TNNT1: variants seen among roughly 807,000 people sequenced by gnomAD.
The protein encoded by TNNT1 is troponin T1, slow skeletal type, also known as troponin T, slow skeletal muscle.
A neutral mutation model predicts 50.6 loss-of-function variants in TNNT1; 53 were observed. The observed-to-expected ratio is 1.05, with a 90% CI of 0.84 to 1.32. The LOEUF is 1.32. Ranked by LOEUF, TNNT1 falls within the 40% of genes most tolerant of loss-of-function variation. The pLI is 0.00. For missense variants in TNNT1, 348 were observed against 381.7 expected (o/e 0.91, Z 0.74); for synonymous variants, 142 against 138.0 (o/e 1.03, Z -0.20).
At chr19:55,135,226 T>C (rs2085326574) in intron 11 of TNNT1, among the ~76,000 whole-genome samples, 2 of 152,140 alleles carry the variant, frequency 1.3e-5, no homozygotes, top group Admixed American at 1.3e-4. Flanking sequence ...GCTTGGATCA[T>C]CCATGTGAGG....
chr19:55,132,960 G>T lies in TNNT1; in HGVS notation c.792C>A (p.Phe264Leu), dbSNP rs2147233241. The change falls in exon 14 of 14, where the codon TTC becomes TTA. Residue 264 changes from phenylalanine to leucine, a missense_variant and splice_region_variant. By Grantham distance (22) the Phe-to-Leu change is conservative. This residue lies in a region of TNNT1 where 253 missense variants were observed against 291.8 expected (regional missense o/e 0.87). Coordinates refer to ENST00000588981, the MANE Select transcript of TNNT1 (RefSeq NM_003283.6). ...LYNRISHAQK[F>L]RKGAGKGRVG... ...CGCGGCCCTTCCCTGCCCCCTTCCGGCTGTAGAAGAATGAGGTGGTATCAG... is the reference window on the plus strand; with the variant it reads ...CGCGGCCCTTCCCTGCCCCCTTCCGTCTGTAGAAGAATGAGGTGGTATCAG... The T allele has an allele frequency of 6.2e-7, 1 of 1,600,880 alleles. No homozygotes were observed. The highest frequency in any genetic ancestry group is 8.5e-7 in the Non-Finnish European group (1 of 1,175,012).
chr19:55,143,706 G>A (rs140839586), intron 6 of TNNT1, among the ~76,000 whole-genome samples: 2 of 151,860 alleles, frequency 1.3e-5, no homozygotes, highest in Non-Finnish European at 2.9e-5. Context: ...CGACAGCCCC[G>A]TGAGCTGCCA....
Position 55,146,456 on chromosome 19 carries a change from C to G in TNNT1, c.84G>C (p.Glu28Asp). The change falls in exon 5 of 14, where the codon GAG becomes GAC. Residue 28 changes from glutamate to aspartate, a missense_variant. By Grantham distance (45) the Glu-to-Asp change is conservative. This residue lies in a region of TNNT1 where 90 missense variants were observed against 70.8 expected (regional missense o/e 1.27). Coordinates refer to ENST00000588981, the MANE Select transcript of TNNT1 (RefSeq NM_003283.6). ...TACCTGGCTCTGCCACCGGCTCCGG[C>G]TCTTCGGGGGCTGGGGAGGGGAGGG... ...AAEEEEEAPE[E>D]PEPVAEPEEE... 7.4e-7 allele frequency: 1 copy of G among 1,353,498 alleles called. No individual in the cohort carries two copies. The highest frequency in any genetic ancestry group is 1.5e-5 in the African/African-American group (1 of 65,120). The allele number at this position is 1,353,498 out of a possible 1,614,324, so 83.8% of individuals were successfully genotyped here. A position where few individuals can be genotyped will look rare whatever the true frequency, so the allele number is the denominator to read the frequency against.
chr19:55,145,917 G>T (rs2085541021), intron 5 of TNNT1, among the ~76,000 whole-genome samples: 1 of 151,876 alleles, frequency 6.6e-6, no homozygotes, highest in Non-Finnish European at 1.5e-5. Context: ...CAGTGCAGGG[G>T]GTCCCAACCT....
At chr19:55,135,116 C>G (rs2085324850) in intron 11 of TNNT1, among the ~76,000 whole-genome samples, 1 of 152,148 alleles carries the variant, frequency 6.6e-6, no homozygotes, top group Admixed American at 6.5e-5. Flanking sequence ...TTTGCCCAAT[C>G]TCCCTTGCAG....
chr19:55,147,003 C>T lies in TNNT1; in HGVS notation c.46+5G>A. ...TCCCATAGGGCCGGCCCACTCCCTA[C>T]TCACCTTCCGGCTGCTCCCTGCGGA... On this transcript the variant is annotated splice_donor_5th_base_variant and intron_variant, in intron 3 of 13. Transcript: ENST00000588981. The T allele has an allele frequency of 6.2e-7, 1 of 1,608,846 alleles. No homozygotes were observed. The highest frequency in any genetic ancestry group is 8.5e-7 in the Non-Finnish European group (1 of 1,177,878).
chr19:55,145,621 C>A, intron 5 of TNNT1, 56 bp from the exon 6 acceptor site: 1 of 1,599,000 alleles, frequency 6.3e-7, no homozygotes, highest in Non-Finnish European at 8.6e-7. Flanking sequence ...AGGAGAGGGG[C>A]TAGGCCTGAC....
chr19:55,146,579 G>A lies in TNNT1; in HGVS notation c.73+102C>T, dbSNP rs1190199854. The A allele has an allele frequency of 4.1e-6, 5 of 1,216,350 alleles. 1 individual carries two copies. In the South Asian group the frequency reaches 8.2e-5, roughly 20 times the overall value. The allele number at this position is 1,216,350 out of a possible 1,614,324, so 75.3% of individuals were successfully genotyped here. On this transcript the variant is annotated intron_variant, in intron 4 of 13. Transcript: ENST00000588981. ...ACGTGAGAGGCTGTTAGAGGACCGGGAGCCGAGGCCGTCGGGAGCCCCATC... is the reference window on the plus strand; with the variant it reads ...ACGTGAGAGGCTGTTAGAGGACCGGAAGCCGAGGCCGTCGGGAGCCCCATC...
At chr19:55,143,225 T>G (rs934313106) in intron 6 of TNNT1, among the ~76,000 whole-genome samples, 2 of 151,168 alleles carry the variant, frequency 1.3e-5, no homozygotes, top group Admixed American at 1.3e-4. Context: ...GTCTTGAACT[T>G]CTGAGCTCAA....
intron 13 of TNNT1, 137 bp downstream of exon 13, chr19:55,133,750 G>C: frequency 2.1e-6 from 2 of 956,840 alleles, no homozygotes; most frequent in Admixed American, 1.8e-5. Flanking sequence ...GAGAGAGGAG[G>C]ACAGAGAAGG....
Position 55,134,432 on chromosome 19 carries a change from T to C in TNNT1, c.612-228A>G, listed in dbSNP as rs7259126. Among the ~76,000 whole-genome samples the C allele has an allele frequency of 8.4e-3, 1,276 of 151,668 alleles. 25 individuals are homozygous for C. The highest frequency in any genetic ancestry group is 0.029 in the African/African-American group (1,219 of 41,356). On this transcript the variant is annotated intron_variant, in intron 11 of 13. Coordinates refer to ENST00000588981, the MANE Select transcript of TNNT1 (RefSeq NM_003283.6). ...AAGAGACCAGGCTCGGCACCTGTAA[T>C]CCCAGCACTTTGGGAGGCAGAGGCC...
chr19:55,146,679 A>T lies in TNNT1; in HGVS notation c.73+2T>A. 2 of 1,480,686 alleles carry T rather than the reference A, an allele frequency of 1.4e-6. No homozygotes were observed. The allele number at this position is 1,480,686 out of a possible 1,614,324, so 91.7% of individuals were successfully genotyped here. A position where few individuals can be genotyped will look rare whatever the true frequency, so the allele number is the denominator to read the frequency against. ...CCAGACCTGCGGAGTCCGGGACCTC[A>T]CCTTCCTCCTCCTCCTCCGCAGCCT... On this transcript the variant is annotated splice_donor_variant, in intron 4 of 13. Coordinates refer to ENST00000588981, the MANE Select transcript of TNNT1 (RefSeq NM_003283.6). LOFTEE classifies it high-confidence loss of function.
chr19:55,136,142 CCTGGAAGGGTTA>C (rs887168263), intron 11 of TNNT1, among the ~76,000 whole-genome samples: 43 of 152,174 alleles, frequency 2.8e-4, no homozygotes, highest in Non-Finnish European at 5.3e-4. Flanking sequence ...GCTGTGCAAC[CCTGGAAGGGTTA>C]CTTAACCTCT....
intron 9 of TNNT1, 75 bp downstream of exon 9, chr19:55,140,808 A>AATAATAATC (rs1555857875): frequency 4.9e-6 from 5 of 1,018,514 alleles, no homozygotes; most frequent in Non-Finnish European, 5.7e-6. Context: ...TAATAATAAT[A>AATAATAATC]ATAATAATAA....
chr19:55,137,091 CACAGCA>C lies in TNNT1; in HGVS notation c.611+6_611+11del. On this transcript the variant is annotated splice_donor_region_variant and intron_variant, in intron 11 of 13. Coordinates refer to ENST00000588981, the MANE Select transcript of TNNT1 (RefSeq NM_003283.6). ...CCAGGCCCCTACACCCCGAGCCCCC[CACAGCA>C]CCTACCGGAGCTGTTCCTCCCCCAT... The C allele has an allele frequency of 3.2e-6, 5 of 1,551,542 alleles. No individual in the cohort carries two copies. The highest frequency in any genetic ancestry group is 2.2e-5 in the South Asian group (2 of 89,826).
chr19:55,143,477 G>T (rs751249876), intron 6 of TNNT1, among the ~76,000 whole-genome samples: 1 of 152,136 alleles, frequency 6.6e-6, no homozygotes, highest in Non-Finnish European at 1.5e-5. Flanking sequence ...GGACTTAGGG[G>T]ATGCTGGGCA....
Position 55,141,249 on chromosome 19 carries a change from G to T in TNNT1, c.246C>A (p.Ile82=). 6.2e-7 allele frequency: 1 copy of T among 1,614,194 alleles called. No individual in the cohort carries two copies. The highest frequency in any genetic ancestry group is 2.2e-5 in the East Asian group (1 of 44,878). ...EKDLLELQTL[I]DVHFEQRKKE... ...TCTTCCGCTGCTCGAAATGTACATC[G>T]ATGAGTGTCTGCAGCTCCAGCAGGT... Residue 82 remains isoleucine, a synonymous_variant, in exon 8 of 14, where the codon ATC becomes ATA. Coordinates refer to ENST00000588981, the MANE Select transcript of TNNT1 (RefSeq NM_003283.6).
chr19:55,146,314 G>A, intron 5 of TNNT1, 120 bp downstream of exon 5: 6 of 630,730 alleles, frequency 9.5e-6, no homozygotes, highest in Non-Finnish European at 1.5e-5. Context: ...GACCGGGCCT[G>A]GGGGCGGGTT....
intron 6 of TNNT1, among the ~76,000 whole-genome samples, chr19:55,142,375 C>A (rs2085475238): frequency 6.6e-6 from 1 of 151,968 alleles, no homozygotes; most frequent in Non-Finnish European, 1.5e-5. Flanking sequence ...CCCGCCTCGG[C>A]CTCCCAAAGT....
Sources: gnomAD v4.1 joint callset for allele counts (sites outside exome capture counted in the v4.1 genomes callset) on GRCh38, gnomAD v4.1.1 for gene constraint, gnomAD v4.1.1 regional missense constraint, MANE v1.5 for transcripts, NCBI Gene and HGNC (gene_info 2026-07-23, HGNC 2026-07-21) for gene names.